The following ATXN7 variants were observed in gnomAD, a reference collection of about 807,000 sequenced individuals.
ATXN7 encodes the protein ataxin 7.
In ATXN7, 12 loss-of-function variants were observed where a neutral mutation model predicts 70.5. The ratio of observed to expected loss-of-function variants is 0.17; its 90% CI spans 0.11 to 0.28. The LOEUF (loss-of-function observed/expected upper bound fraction) is 0.28. ATXN7 is among the 10% of genes least tolerant of loss of function. The pLI is 1.00. For synonymous variants in ATXN7, 498 were observed against 448.7 expected (o/e 1.11, Z -1.39); for missense variants, 1,256 against 1,131.7 (o/e 1.11, Z -1.58).
chr3:63,909,467 G>A (rs1703941952), intron 2 of ATXN7, among the ~76,000 whole-genome samples: 1 of 152,190 alleles, frequency 6.6e-6, no homozygotes, highest in Non-Finnish European at 1.5e-5. Context: ...TTGGTGGTAT[G>A]GAAAGGGGAT....
chr3:63,913,950 A>C (rs138280523), intron 4 of ATXN7, among the ~76,000 whole-genome samples: 288 of 152,246 alleles, frequency 1.9e-3, no homozygotes, highest in Middle Eastern at 6.8e-3. Flanking sequence ...TTTTCTTTGA[A>C]TAGTAAGCTT....
intron 1 of ATXN7, among the ~76,000 whole-genome samples, chr3:63,895,836 G>A (rs569498898): frequency 1.3e-5 from 2 of 151,412 alleles, no homozygotes; most frequent in South Asian, 4.2e-4. Context: ...TTTCTCCTGG[G>A]GGAAACGGGA....
chr3:64,002,846 G>A lies in ATXN7; in HGVS notation c.*3379G>A, dbSNP rs2075848640. On this transcript the variant is annotated 3_prime_UTR_variant, in exon 13 of 13. Transcript: ENST00000674280. ...TTTGTCAGCCAGCAACTTACACGAT[G>A]TGTCCGTTTTGTTATTCACTCATGA... 1 of 152,082 alleles carries A rather than the reference G, an allele frequency of 6.6e-6. No individual in the cohort carries two copies. The highest frequency in any genetic ancestry group is 2.4e-5 in the African/African-American group (1 of 41,404). 9.4% of individuals were successfully genotyped at this position (152,082 alleles called of 1,614,324 possible).
At chr3:63,948,842 G>C (rs530732609) in intron 4 of ATXN7, among the ~76,000 whole-genome samples, 4 of 152,212 alleles carry the variant, frequency 2.6e-5, no homozygotes, top group African/African-American at 9.6e-5. Flanking sequence ...CCTAAATCCT[G>C]AGAAAGATTT....
rs777791690 is a variant in ATXN7, at chr3:63,912,788, G to C, written c.190G>C (p.Gly64Arg). The change falls in exon 3 of 13, where the codon GGG becomes CGG. Residue 64 changes from glycine to arginine, a missense_variant. Coordinates refer to ENST00000674280, the MANE Select transcript of ATXN7 (RefSeq NM_001377405.1). ...PPRRTRPEDG[G>R]PGAASTSAAA... ...ACGGCGCACACGGCCGGAGGACGGC[G>C]GGCCCGGCGCCGCCTCCACCTCGGC... is the stretch of plus-strand genomic sequence containing the variant. The C allele has an allele frequency of 6.5e-7, 1 of 1,531,642 alleles. No homozygotes were observed. The highest frequency in any genetic ancestry group is 2.1e-5 in the Admixed American group (1 of 46,786). The allele number at this position is 1,531,642 out of a possible 1,614,324, so 94.9% of individuals were successfully genotyped here. A position where few individuals can be genotyped will look rare whatever the true frequency, so the allele number is the denominator to read the frequency against.
intron 4 of ATXN7, among the ~76,000 whole-genome samples, chr3:63,950,578 A>G (rs2074936928): frequency 1.3e-5 from 2 of 152,218 alleles, no homozygotes; most frequent in African/African-American, 4.8e-5. Context: ...TATCAGAGGC[A>G]TTTAGCACAG....
At chr3:63,892,763 C>T (rs1475606973) in intron 1 of ATXN7, among the ~76,000 whole-genome samples, 1 of 152,150 alleles carries the variant, frequency 6.6e-6, no homozygotes, top group Non-Finnish European at 1.5e-5. Context: ...CAATTCAATT[C>T]ATCAGGCATT....
chr3:63,920,396 G>A (rs758279332), intron 4 of ATXN7, among the ~76,000 whole-genome samples: 1 of 152,086 alleles, frequency 6.6e-6, no homozygotes, highest in Non-Finnish European at 1.5e-5. Flanking sequence ...GAGGTAGCCC[G>A]CTAAGATCAC....
At chr3:63,907,351 A>G (rs371058656) in intron 2 of ATXN7, among the ~76,000 whole-genome samples, 3 of 152,034 alleles carry the variant, frequency 2.0e-5, no homozygotes, top group Non-Finnish European at 2.9e-5. Context: ...ACGTTTAACA[A>G]TGTGTTTAAC....
chr3:63,937,688 G>A (rs1454255618), intron 4 of ATXN7, among the ~76,000 whole-genome samples: 1 of 152,174 alleles, frequency 6.6e-6, no homozygotes, highest in Non-Finnish European at 1.5e-5. Context: ...GTAAATATGT[G>A]TTGGAGGAAG....
intron 2 of ATXN7, among the ~76,000 whole-genome samples, chr3:63,899,466 A>G (rs1036096659): frequency 6.6e-6 from 1 of 151,834 alleles, no homozygotes; most frequent in African/African-American, 2.4e-5. Flanking sequence ...TCCTGGAGGA[A>G]TTTTGATTTA....
intron 2 of ATXN7, among the ~76,000 whole-genome samples, chr3:63,902,790 A>G (rs1341411613): frequency 1.3e-5 from 2 of 152,156 alleles, no homozygotes; most frequent in Non-Finnish European, 1.5e-5. Context: ...CTCACCTAAC[A>G]GAGTTTTGTG....
intron 1 of ATXN7, among the ~76,000 whole-genome samples, chr3:63,893,806 T>G (rs1703360117): frequency 8.3e-6 from 1 of 120,426 alleles, no homozygotes; most frequent in Non-Finnish European, 1.9e-5. Context: ...CTCTAACCCT[T>G]GAAGAGGGGA....
At chr3:63,912,110 TCGGACGGACGCG>T (rs1486944224) in intron 2 of ATXN7, 1 of 151,968 alleles carries the variant, frequency 6.6e-6, no homozygotes, top group Non-Finnish European at 1.5e-5. Flanking sequence ...GTGCCGCCGC[TCGGACGGACGCG>T]CGGACGGAAG....
At chr3:63,866,819 A>G (rs1381214245) in intron 1 of ATXN7, 1 of 152,192 alleles carries the variant, frequency 6.6e-6, no homozygotes, top group African/African-American at 2.4e-5. Context: ...CCCTTACCAT[A>G]CTAATGTTTC....
chr3:63,869,716 C>A (rs1470330628), intron 1 of ATXN7, among the ~76,000 whole-genome samples: 1 of 152,200 alleles, frequency 6.6e-6, no homozygotes. Flanking sequence ...TGAGCTACCG[C>A]ACCCTGCTAG....
chr3:63,893,269 G>T (rs1559622400), intron 1 of ATXN7, among the ~76,000 whole-genome samples: 1 of 152,160 alleles, frequency 6.6e-6, no homozygotes, highest in Non-Finnish European at 1.5e-5. Context: ...TCAGGGTTTT[G>T]CACAATGACA....
chr3:64,001,604 T>C lies in ATXN7; in HGVS notation c.*2137T>C, dbSNP rs1222161923. ...AAGTTGATTCAGACTAATGTAGATA[T>C]TTAGATTAGCAAGTATTGAACATTT... On this transcript the variant is annotated 3_prime_UTR_variant, in exon 13 of 13. Transcript: ENST00000674280. The C allele has an allele frequency of 6.6e-6, 1 of 152,228 alleles. No homozygotes were observed. The highest frequency in any genetic ancestry group is 2.4e-5 in the African/African-American group (1 of 41,456). The allele number at this position is 152,228 out of a possible 1,614,324, so 9.4% of individuals were successfully genotyped here.
intron 2 of ATXN7, among the ~76,000 whole-genome samples, chr3:63,909,432 T>C (rs1455561847): frequency 6.6e-6 from 1 of 152,206 alleles, no homozygotes; most frequent in East Asian, 1.9e-4. Context: ...AAAAAATTTA[T>C]ACACAGTTAT....
Sources: gnomAD v4.1 joint callset for allele counts (sites outside exome capture counted in the v4.1 genomes callset) on GRCh38, gnomAD v4.1.1 for gene constraint, MANE v1.5 for transcripts, NCBI Gene and HGNC (gene_info 2026-07-23, HGNC 2026-07-21) for gene names.